MEP1A: variants seen among roughly 807,000 people sequenced by gnomAD.
MEP1A encodes the protein meprin A subunit alpha.
A neutral mutation model predicts 84.5 loss-of-function variants in MEP1A; 68 were observed. That is an observed-to-expected ratio of 0.80 (90% CI 0.66 to 0.98). The LOEUF (loss-of-function observed/expected upper bound fraction) is 0.98. Ranked by LOEUF, MEP1A falls within the 50% of genes least tolerant of loss-of-function variation. The pLI, the probability that MEP1A is intolerant of heterozygous loss-of-function variation, is 0.00. For synonymous variants in MEP1A, 337 were observed against 336.8 expected (o/e 1.00, Z -0.01); for missense variants, 887 against 919.9 (o/e 0.96, Z 0.46).
intron 3 of MEP1A, among the ~76,000 whole-genome samples, chr6:46,797,836 T>TTC (rs1303923775): frequency 7.2e-6 from 1 of 138,650 alleles, no homozygotes; most frequent in African/African-American, 2.8e-5. Flanking sequence ...CTTTCTTTCT[T>TTC]TCTCTCTCTC....
chr6:46,793,758 G>A (rs2274656), intron 3 of MEP1A, 42 bp downstream of exon 3: 566,996 of 1,402,994 alleles, frequency 0.4, 120,627 homozygotes, highest in African/African-American at 0.73. Flanking sequence ...GAAATTACTT[G>A]AAACCCAGTG....
At chr6:46,833,591 A>G in intron 11 of MEP1A, 53 bp downstream of exon 11, 1 of 1,316,202 alleles carries the variant, frequency 7.6e-7, no homozygotes, top group Non-Finnish European at 1.1e-6. Context: ...AGAGGCCCAC[A>G]GATGTGATTC....
chr6:46,824,323 C>T (rs1239561378), intron 7 of MEP1A, among the ~76,000 whole-genome samples: 1 of 150,890 alleles, frequency 6.6e-6, no homozygotes, highest in Non-Finnish European at 1.5e-5. Context: ...TTGGTGTAAA[C>T]ATGTACATGT....
At chr6:46,831,843 G>T (rs989452445) in intron 10 of MEP1A, among the ~76,000 whole-genome samples, 1 of 152,078 alleles carries the variant, frequency 6.6e-6, no homozygotes, top group South Asian at 2.1e-4. Context: ...CATGCTCTCC[G>T]CAGGAGAGGG....
chr6:46,814,194 G>A (rs983244737), intron 6 of MEP1A, among the ~76,000 whole-genome samples: 1 of 152,064 alleles, frequency 6.6e-6, no homozygotes, highest in African/African-American at 2.4e-5. Flanking sequence ...ATTATTCTTA[G>A]GTTTGGATGT....
chr6:46,824,531 TATC>T (rs1332991324), intron 7 of MEP1A, among the ~76,000 whole-genome samples: 1 of 142,594 alleles, frequency 7.0e-6, no homozygotes, highest in African/African-American at 2.5e-5. Context: ...ATATATAAAT[TATC>T]ATCTATTTAA....
downstream of MEP1A, among the ~76,000 whole-genome samples, chr6:46,842,692 A>G (rs1247287995): frequency 6.6e-6 from 1 of 152,122 alleles, no homozygotes; most frequent in Non-Finnish European, 1.5e-5. Flanking sequence ...TGCCCTTTGA[A>G]GCATGTGATC....
downstream of MEP1A, among the ~76,000 whole-genome samples, chr6:46,843,302 A>T (rs184034986): frequency 8.3e-4 from 127 of 152,316 alleles, no homozygotes; most frequent in African/African-American, 2.8e-3. Flanking sequence ...CTTATCAGGA[A>T]TCACTGCTCT....
chr6:46,843,510 G>A (rs1432599220), downstream of MEP1A, among the ~76,000 whole-genome samples: 1 of 152,208 alleles, frequency 6.6e-6, no homozygotes, highest in Non-Finnish European at 1.5e-5. Context: ...ACCCTCTGGT[G>A]TAGCTTGCTA....
At position 46,825,005 on chromosome 6, in the gene MEP1A, AG is replaced by A. The variant is rs1192185226; in HGVS notation, c.557-266del. 3.2e-3 allele frequency among the ~76,000 whole-genome samples: 215 copies of A among 66,680 alleles called. 14 individuals are homozygous for A. Among genetic ancestry groups the A allele is most frequent in the African/African-American group, 0.011 (201 of 17,594 alleles). The allele number at this position is 66,680 out of a possible 152,430, so 43.7% of individuals were successfully genotyped here. A position where few individuals can be genotyped will look rare whatever the true frequency, so the allele number is the denominator to read the frequency against. ...TTATATATTTAAATAGATCTATTTA[AG>A]TATATATAAATTATATATTTAAATA... On this transcript the variant is annotated intron_variant, in intron 7 of 13. Coordinates refer to ENST00000230588, the MANE Select transcript of MEP1A (RefSeq NM_005588.3).
rs766907254 is a variant in MEP1A, at chr6:46,834,656, T to C, written c.1688T>C (p.Ile563Thr). ...ACGGACTGTAATTGTTTTAGAAGCATCGACTTGGGCTGGAGTGGTTTCATT... is the reference window on the plus strand; with the variant it reads ...ACGGACTGTAATTGTTTTAGAAGCACCGACTTGGGCTGGAGTGGTTTCATT... ...YHTDCNCFRSIDLGWSGFISH... is the reference protein window; with the variant it reads ...YHTDCNCFRSTDLGWSGFISH... The change falls in exon 12 of 14, where the codon ATC becomes ACC. Residue 563 changes from isoleucine to threonine, a missense_variant. Transcript: ENST00000230588. 1.7e-5 allele frequency: 28 copies of C among 1,611,514 alleles called. No homozygotes were observed. The highest frequency in any genetic ancestry group is 2.2e-5 in the Non-Finnish European group (26 of 1,179,518).
At chr6:46,821,934 G>A (rs1767787022) in intron 7 of MEP1A, among the ~76,000 whole-genome samples, 1 of 152,048 alleles carries the variant, frequency 6.6e-6, no homozygotes, top group African/African-American at 2.4e-5. Flanking sequence ...TTTTTATCAG[G>A]GTAATTTGTG....
At chr6:46,807,836 A>G (rs77840483) in intron 5 of MEP1A, among the ~76,000 whole-genome samples, 1,321 of 113,816 alleles carry the variant, frequency 0.012, 23 homozygotes, top group Middle Eastern at 0.055. Context: ...AGAAAGAAAG[A>G]AAGGAAGAAA....
intron 7 of MEP1A, among the ~76,000 whole-genome samples, chr6:46,822,278 T>C (rs1042571725): frequency 6.6e-6 from 1 of 152,182 alleles, no homozygotes; most frequent in African/African-American, 2.4e-5. Flanking sequence ...ATTTTCTATC[T>C]ACTCTAGAAC....
rs1296305673 is a variant in MEP1A, at chr6:46,807,770, G to GGAAAAAAA, written c.263-1646_263-1645insAAAAGAAA. ...GGAAAGGAAGGAAGGAAGGGAGAAA[G>GGAAAAAAA]GAAAGAAAGAAAGAAAGAAAGAAAG... is the stretch of plus-strand genomic sequence containing the variant. On this transcript the variant is annotated intron_variant, in intron 5 of 13. Coordinates refer to ENST00000230588, the MANE Select transcript of MEP1A (RefSeq NM_005588.3). Among the ~76,000 whole-genome samples the GGAAAAAAA allele has an allele frequency of 7.2e-5, 7 of 97,316 alleles. No homozygotes were observed. The East Asian group carries it at 2.3e-3, about 32-fold the overall frequency. 63.8% of individuals were successfully genotyped at this position (97,316 alleles called of 152,430 possible). A position where few individuals can be genotyped will look rare whatever the true frequency, so the allele number is the denominator to read the frequency against.
chr6:46,805,197 T>C (rs1248391312), intron 5 of MEP1A, among the ~76,000 whole-genome samples: 4 of 151,902 alleles, frequency 2.6e-5, no homozygotes, highest in African/African-American at 9.7e-5. Context: ...ATAAAATTGC[T>C]GGGTTATAGT....
intron 6 of MEP1A, among the ~76,000 whole-genome samples, chr6:46,816,633 G>A (rs1426018979): frequency 6.6e-6 from 1 of 151,714 alleles, no homozygotes; most frequent in African/African-American, 2.4e-5. Flanking sequence ...AGGGTGAGGA[G>A]AGAGCAAACA....
chr6:46,844,054 T>C (rs746613576), downstream of MEP1A, among the ~76,000 whole-genome samples: 4 of 152,244 alleles, frequency 2.6e-5, no homozygotes, highest in Non-Finnish European at 4.4e-5. Flanking sequence ...TTATGGATAA[T>C]TAGTCACCTA....
chr6:46,816,692 A>G (rs898767221), intron 6 of MEP1A, among the ~76,000 whole-genome samples: 1 of 152,088 alleles, frequency 6.6e-6, no homozygotes, highest in Non-Finnish European at 1.5e-5. Context: ...CAGTGCCTGG[A>G]GCTTTTCATG....
Sources: allele counts gnomAD v4.1 joint callset (sites outside exome capture counted in the v4.1 genomes callset), GRCh38; gene constraint gnomAD v4.1.1; transcripts MANE v1.5; gene names NCBI Gene and HGNC (gene_info 2026-07-23, HGNC 2026-07-21).